TEX101: variants seen among roughly 807,000 people sequenced by gnomAD.
TEX101 encodes testis-expressed protein 101.
In TEX101, 10 loss-of-function variants were observed where a neutral mutation model predicts 18.1. The ratio of observed to expected loss-of-function variants is 0.55; its 90% CI spans 0.34 to 0.94. The LOEUF (loss-of-function observed/expected upper bound fraction) is 0.94. TEX101 is among the 40% of genes least tolerant of loss of function. The pLI is 0.02. For missense variants in TEX101, 259 were observed against 298.9 expected, an observed-to-expected ratio of 0.87 and a Z score of 0.98; for synonymous variants, 94 against 114.8, an observed-to-expected ratio of 0.82 and a Z score of 1.16.
upstream of TEX101, among the ~76,000 whole-genome samples, chr19:43,412,867 A>C (rs192547795): frequency 4.8e-4 from 73 of 152,314 alleles, no homozygotes; most frequent in African/African-American, 1.8e-3. Context: ...TTAAGGAAGG[A>C]GACCACTACT....
At chr19:43,413,812 G>A (rs1442509194), upstream of TEX101, among the ~76,000 whole-genome samples, 3 of 152,136 alleles carry the variant, frequency 2.0e-5, no homozygotes, top group African/African-American at 7.2e-5. Flanking sequence ...AATTAGCCAG[G>A]TGTGGTGGCA....
intron 3 of TEX101, among the ~76,000 whole-genome samples, chr19:43,409,004 G>A (rs1226329961): frequency 6.6e-6 from 1 of 152,162 alleles, no homozygotes; most frequent in Non-Finnish European, 1.5e-5. Flanking sequence ...TTTACATGCA[G>A]TCAAATCAAT....
chr19:43,393,299 C>T, the TEX101 span, among the ~76,000 whole-genome samples: 6 of 152,106 alleles, frequency 3.9e-5, no homozygotes, highest in African/African-American at 1.4e-4. Context: ...TCAGGGCGAC[C>T]CAATGCCCAG....
chr19:43,407,258 C>T (rs911830400), intron 3 of TEX101, among the ~76,000 whole-genome samples: 1 of 152,006 alleles, frequency 6.6e-6, no homozygotes, highest in Non-Finnish European at 1.5e-5. Flanking sequence ...CCAAGGCGGG[C>T]GAATCACCTG....
Position 43,406,676 on chromosome 19 carries a change from GGA to G in TEX101, c.15+158_15+159del, listed in dbSNP as rs531094118. 1.4e-4 allele frequency among the ~76,000 whole-genome samples: 22 copies of G among 152,298 alleles called. 1 individual carries two copies. In the East Asian group the frequency reaches 4.3e-3, roughly 29 times the overall value. ...GGGGCAGCGCTAGATGGGGAGACTG[GGA>G]CACACGTCTGAACGCAGATGTCCGA... On this transcript the variant is annotated intron_variant, in intron 3 of 7. Transcript: ENST00000602198.
chr19:43,410,723 G>A (rs572818806), upstream of TEX101, among the ~76,000 whole-genome samples: 6 of 150,622 alleles, frequency 4.0e-5, no homozygotes, highest in African/African-American at 1.5e-4. Flanking sequence ...CATGTACACC[G>A]AGACACACAC....
chr19:43,408,282 G>T (rs56905904), intron 3 of TEX101, among the ~76,000 whole-genome samples: 3,186 of 152,042 alleles, frequency 0.021, 117 homozygotes, highest in African/African-American at 0.073. Flanking sequence ...TCTTCTCCTC[G>T]TTCTGCCCGG....
At position 43,406,432 on chromosome 19, in the gene TEX101, C is replaced by T. The variant is rs191755172; in HGVS notation, c.-73C>T. 3.2e-3 allele frequency: 2,398 copies of T among 754,522 alleles called. 66 individuals carry two copies. The Admixed American group carries it at 0.04, about 13-fold the overall frequency. 46.7% of individuals were successfully genotyped at this position (754,522 alleles called of 1,614,324 possible). ...CTGCGGGAGAGAAGAACCCTCTGAG[C>T]CTGATTGAAAGGCGGTGAAGAGACA... On this transcript the variant is annotated 5_prime_UTR_variant, in exon 3 of 8. Transcript: ENST00000602198.
At chr19:43,417,545 A>G (rs1429542044) in intron 4 of TEX101, among the ~76,000 whole-genome samples, 1 of 152,216 alleles carries the variant, frequency 6.6e-6, no homozygotes, top group Admixed American at 6.5e-5. Flanking sequence ...TCTTTTAGGT[A>G]GTTGGGTATT....
upstream of TEX101, among the ~76,000 whole-genome samples, chr19:43,400,677 ATT>A (rs1970311186): frequency 1.3e-5 from 2 of 152,174 alleles, no homozygotes; most frequent in Admixed American, 1.3e-4. Flanking sequence ...TTCCACCCAG[ATT>A]CATTTCCACC....
At chr19:43,417,178 C>T (rs1046972336) in intron 4 of TEX101, among the ~76,000 whole-genome samples, 9 of 152,280 alleles carry the variant, frequency 5.9e-5, no homozygotes, top group African/African-American at 2.2e-4. Flanking sequence ...TTGGCCCTTC[C>T]TGTCTTTTCA....
chr19:43,400,345 A>G (rs1970308511), upstream of TEX101, among the ~76,000 whole-genome samples: 1 of 152,238 alleles, frequency 6.6e-6, no homozygotes, highest in Non-Finnish European at 1.5e-5. Flanking sequence ...AGAAAAAGAC[A>G]TACTTTTTAG....
the TEX101 span, among the ~76,000 whole-genome samples, chr19:43,389,717 C>T: frequency 9.9e-5 from 15 of 152,274 alleles, no homozygotes; most frequent in Non-Finnish European, 1.6e-4. Context: ...CCTGGGCACC[C>T]GACCCCTCAG....
the TEX101 span, among the ~76,000 whole-genome samples, chr19:43,391,884 G>A: frequency 6.6e-6 from 1 of 152,230 alleles, no homozygotes; most frequent in African/African-American, 2.4e-5. Context: ...TGTGACTGCA[G>A]TCTCAGGAAA....
upstream of TEX101, among the ~76,000 whole-genome samples, chr19:43,399,419 T>G (rs1352451650): frequency 6.6e-6 from 1 of 152,164 alleles, no homozygotes; most frequent in Admixed American, 6.6e-5. Context: ...GCAATGATGA[T>G]GATCATTGCC....
At chr19:43,389,816 A>G in the TEX101 span, among the ~76,000 whole-genome samples, 1 of 151,370 alleles carries the variant, frequency 6.6e-6, no homozygotes, top group African/African-American at 2.4e-5. Flanking sequence ...CATGTCCTAC[A>G]TCTCTCTCTG....
chr19:43,416,902 G>A (rs886928638), intron 4 of TEX101, among the ~76,000 whole-genome samples: 2 of 151,846 alleles, frequency 1.3e-5, no homozygotes, highest in Non-Finnish European at 2.9e-5. Flanking sequence ...GCCTGGTGGC[G>A]CACACCTGTA....
At chr19:43,393,329 G>C in the TEX101 span, among the ~76,000 whole-genome samples, 1 of 152,150 alleles carries the variant, frequency 6.6e-6, no homozygotes, top group Non-Finnish European at 1.5e-5. Flanking sequence ...GCTGCTCCAC[G>C]GGGAGGGGGC....
chr19:43,398,966 T>C (rs1240869008), upstream of TEX101, among the ~76,000 whole-genome samples: 1 of 152,222 alleles, frequency 6.6e-6, no homozygotes. Context: ...TTTTATAGAT[T>C]GAATGCCGCC....
Sources: gnomAD v4.1 joint callset for allele counts (sites outside exome capture counted in the v4.1 genomes callset) on GRCh38, gnomAD v4.1.1 for gene constraint, MANE v1.5 for transcripts, NCBI Gene and HGNC (gene_info 2026-07-23, HGNC 2026-07-21) for gene names.